NRG1: variants seen among roughly 807,000 people sequenced by gnomAD.
NRG1 encodes the protein pro-neuregulin-1, membrane-bound isoform.
In NRG1, 18 loss-of-function variants were observed where a neutral mutation model predicts 63.8. The observed-to-expected ratio is 0.28, with a 90% CI of 0.19 to 0.42. The LOEUF is 0.42. Among genes scored for constraint, NRG1 ranks in the 10% least tolerant of loss-of-function variants. The pLI is 1.00. For missense variants in NRG1, 762 were observed against 814.7 expected (o/e 0.94, Z 0.79); for synonymous variants, 302 against 301.3 (o/e 1.00, Z -0.02).
chr8:31,987,334 GTGTGTGTGTGTGTGTA>G (rs1354974674), intron 1 of NRG1, among the ~76,000 whole-genome samples: 3 of 148,546 alleles, frequency 2.0e-5, no homozygotes, highest in African/African-American at 5.0e-5. Flanking sequence ...GTGTGTGTGT[GTGTGTGTGTGTGTGTA>G]TGTGTGTGAA....
intron 1 of NRG1, among the ~76,000 whole-genome samples, chr8:31,989,349 A>G (rs1810676338): frequency 6.6e-6 from 1 of 151,526 alleles, no homozygotes; most frequent in Non-Finnish European, 1.5e-5. Flanking sequence ...TAGCAGGAAC[A>G]TCACATTCCA....
intron 1 of NRG1, among the ~76,000 whole-genome samples, chr8:32,143,525 C>A (rs576974695): frequency 3.9e-4 from 60 of 152,302 alleles, no homozygotes; most frequent in Non-Finnish European, 7.2e-4. Flanking sequence ...GTATCCAGCT[C>A]TCAGTGCCCC....
At chr8:32,739,834 C>T (rs1825915028) in intron 6 of NRG1, among the ~76,000 whole-genome samples, 1 of 152,094 alleles carries the variant, frequency 6.6e-6, no homozygotes, top group Non-Finnish European at 1.5e-5. Flanking sequence ...TACACATACA[C>T]AGCGTGTTCA....
chr8:32,040,749 G>GGATATATA (rs1819861160), intron 1 of NRG1, among the ~76,000 whole-genome samples: 1 of 3,154 alleles, frequency 3.2e-4, no homozygotes, highest in African/African-American at 4.7e-4. Context: ...AAATTTAGGC[G>GGATATATA]CATATATATA....
At chr8:31,977,301 T>A (rs1363146641) in intron 1 of NRG1, among the ~76,000 whole-genome samples, 1 of 152,176 alleles carries the variant, frequency 6.6e-6, no homozygotes, top group Non-Finnish European at 1.5e-5. Context: ...TCTTGCTGAC[T>A]TCCCTTCTCT....
chr8:32,339,397 T>A (rs1357396004), intron 1 of NRG1, among the ~76,000 whole-genome samples: 2 of 152,124 alleles, frequency 1.3e-5, no homozygotes, highest in Admixed American at 1.3e-4. Flanking sequence ...AATAAGCATC[T>A]CCATCCATGA....
intron 1 of NRG1, among the ~76,000 whole-genome samples, chr8:32,476,363 A>G (rs1824517994): frequency 6.6e-6 from 1 of 152,222 alleles, no homozygotes; most frequent in Admixed American, 6.5e-5. Flanking sequence ...CTATCAGTTA[A>G]TTTATTGATT....
At chr8:32,339,785 T>A (rs1359347802) in intron 1 of NRG1, among the ~76,000 whole-genome samples, 1 of 152,232 alleles carries the variant, frequency 6.6e-6, no homozygotes, top group Non-Finnish European at 1.5e-5. Context: ...CTCCAGAGTT[T>A]ATCTTTCTGT....
chr8:31,973,711 C>T (rs1807682505), intron 1 of NRG1, among the ~76,000 whole-genome samples: 1 of 152,018 alleles, frequency 6.6e-6, no homozygotes, highest in Non-Finnish European at 1.5e-5. Context: ...ATCTTCAGGC[C>T]TGGAGTAGGG....
intron 1 of NRG1, among the ~76,000 whole-genome samples, chr8:32,195,825 A>G (rs1842898615): frequency 6.6e-6 from 1 of 152,180 alleles, no homozygotes; most frequent in Non-Finnish European, 1.5e-5. Flanking sequence ...TATATTTAAG[A>G]AAGATATTCC....
chr8:32,050,582 C>T (rs1237501508), intron 1 of NRG1, among the ~76,000 whole-genome samples: 1 of 152,032 alleles, frequency 6.6e-6, no homozygotes, highest in Non-Finnish European at 1.5e-5. Context: ...TTGTGAATAC[C>T]CCCTCCACAC....
intron 1 of NRG1, among the ~76,000 whole-genome samples, chr8:32,416,012 C>A (rs1815862459): frequency 6.6e-6 from 1 of 152,200 alleles, no homozygotes; most frequent in African/African-American, 2.4e-5. Context: ...CAGACACTTT[C>A]GTGAGTAAGT....
intron 5 of NRG1, among the ~76,000 whole-genome samples, chr8:32,640,628 A>G (rs1016727729): frequency 7.1e-6 from 1 of 141,044 alleles, no homozygotes; most frequent in Non-Finnish European, 1.5e-5. Flanking sequence ...CCGCACACAC[A>G]CACACACACA....
chr8:31,899,685 A>T (rs186090726), intron 1 of NRG1, among the ~76,000 whole-genome samples: 54 of 152,266 alleles, frequency 3.5e-4, no homozygotes, highest in Middle Eastern at 6.8e-3. Flanking sequence ...CAAGCTTTTT[A>T]AAAAAATTCC....
intron 1 of NRG1, among the ~76,000 whole-genome samples, chr8:32,356,474 A>AGGCC: frequency 1.4e-5 from 1 of 69,336 alleles, no homozygotes; most frequent in Admixed American, 1.5e-4. Context: ...CCTTGTTGGG[A>AGGCC]CCCCCCCCCC....
intron 5 of NRG1, among the ~76,000 whole-genome samples, chr8:32,682,290 T>C (rs1370924345): frequency 2.6e-5 from 4 of 152,156 alleles, no homozygotes; most frequent in Admixed American, 2.0e-4. Flanking sequence ...AATATTTAGA[T>C]TTTCAGCGTT....
At chr8:31,644,482 G>T (rs888515073) in intron 1 of NRG1, among the ~76,000 whole-genome samples, 3 of 152,116 alleles carry the variant, frequency 2.0e-5, no homozygotes, top group African/African-American at 4.8e-5. Context: ...TTGTTGTGGG[G>T]TATCTATAAA....
intron 1 of NRG1, among the ~76,000 whole-genome samples, chr8:32,307,420 C>T (rs1324025003): frequency 2.0e-5 from 3 of 147,066 alleles, no homozygotes; most frequent in Non-Finnish European, 4.5e-5. Context: ...CTCCCAAATA[C>T]CGAATAGTCA....
chr8:31,986,749 GTC>G (rs1228312040), intron 1 of NRG1, among the ~76,000 whole-genome samples: 1 of 152,092 alleles, frequency 6.6e-6, no homozygotes, highest in East Asian at 1.9e-4. Flanking sequence ...AAATCTTGAT[GTC>G]TGTTTCACTG....
Sources: gnomAD v4.1 joint callset for allele counts (sites outside exome capture counted in the v4.1 genomes callset) on GRCh38, gnomAD v4.1.1 for gene constraint, MANE v1.5 for transcripts, NCBI Gene and HGNC (gene_info 2026-07-23, HGNC 2026-07-21) for gene names.